ROR1: variants seen among roughly 807,000 people sequenced by gnomAD.
ROR1 encodes inactive tyrosine-protein kinase transmembrane receptor ROR1.
A neutral mutation model predicts 78.8 loss-of-function variants in ROR1; 19 were observed. The ratio of observed to expected loss-of-function variants is 0.24; its 90% CI spans 0.17 to 0.35. The LOEUF (loss-of-function observed/expected upper bound fraction) is 0.35, where lower values mean the gene tolerates loss of function less well. Among genes scored for constraint, ROR1 ranks in the 10% least tolerant of loss-of-function variants. The pLI is 1.00. For synonymous variants in ROR1, 386 were observed against 433.6 expected, an observed-to-expected ratio of 0.89 and a Z score of 1.36; for missense variants, 917 against 1,177.8, an observed-to-expected ratio of 0.78 and a Z score of 3.24.
intron 1 of ROR1, among the ~76,000 whole-genome samples, chr1:63,854,762 C>G (rs1645138115): frequency 6.6e-6 from 1 of 152,150 alleles, no homozygotes; most frequent in South Asian, 2.1e-4. Context: ...AGAAGAAAAA[C>G]TACAGTCGTC....
chr1:63,886,996 C>G (rs1254332955), intron 1 of ROR1, among the ~76,000 whole-genome samples: 1 of 152,196 alleles, frequency 6.6e-6, no homozygotes, highest in Non-Finnish European at 1.5e-5. Flanking sequence ...CTCTGTCCTC[C>G]TCCCAAAAGA....
intron 1 of ROR1, 149 bp from the exon 2 acceptor site, chr1:64,009,156 C>CCATT: frequency 1.6e-6 from 1 of 634,070 alleles, no homozygotes; most frequent in Non-Finnish European, 2.9e-6. Context: ...TCTAGAGCCA[C>CCATT]CATTCCAGTC....
At chr1:63,867,719 A>G (rs1181530304) in intron 1 of ROR1, among the ~76,000 whole-genome samples, 1 of 152,222 alleles carries the variant, frequency 6.6e-6, no homozygotes, top group Non-Finnish European at 1.5e-5. Flanking sequence ...TAAAAGTCAG[A>G]GCAAATTTAT....
chr1:63,883,596 T>A (rs776636355), intron 1 of ROR1, among the ~76,000 whole-genome samples: 2 of 152,092 alleles, frequency 1.3e-5, no homozygotes, highest in Non-Finnish European at 2.9e-5. Context: ...TATGACTGGG[T>A]GAAATGAGCT....
rs111669173 is a variant in ROR1 at position 63,796,792 on chromosome 1, G to A, written c.91+22284G>A. 1.8e-3 allele frequency among the ~76,000 whole-genome samples: 272 copies of A among 152,242 alleles called. 2 individuals carry two copies. The highest frequency in any genetic ancestry group is 5.8e-3 in the African/African-American group (241 of 41,536). ...AGAGGAGAGGAGGAGTTGCAGAGTCGAGGTGACTGAAGGTGGAAATGGCAA... is the reference window on the plus strand; with the variant it reads ...AGAGGAGAGGAGGAGTTGCAGAGTCAAGGTGACTGAAGGTGGAAATGGCAA... On this transcript the variant is annotated intron_variant, in intron 1 of 8. Coordinates refer to ENST00000371079, the MANE Select transcript of ROR1 (RefSeq NM_005012.4).
chr1:64,153,577 A>G (rs1649689492), intron 7 of ROR1, among the ~76,000 whole-genome samples: 1 of 152,226 alleles, frequency 6.6e-6, no homozygotes, highest in Admixed American at 6.5e-5. Context: ...CAGTCATAAA[A>G]AGAAGGAAAT....
At chr1:64,044,340 G>A (rs899522923) in intron 2 of ROR1, among the ~76,000 whole-genome samples, 3 of 152,196 alleles carry the variant, frequency 2.0e-5, no homozygotes, top group Non-Finnish European at 4.4e-5. Context: ...AGGCTGTTAA[G>A]TCCTCTGAAC....
chr1:64,123,791 A>G (rs1303845409), intron 4 of ROR1, among the ~76,000 whole-genome samples: 2 of 152,202 alleles, frequency 1.3e-5, no homozygotes, highest in Non-Finnish European at 1.5e-5. Flanking sequence ...TATAAGTCAT[A>G]ACAGTTTTCT....
chr1:63,979,050 T>C (rs1646186473), intron 1 of ROR1, among the ~76,000 whole-genome samples: 1 of 152,190 alleles, frequency 6.6e-6, no homozygotes, highest in African/African-American at 2.4e-5. Flanking sequence ...GGCCTTTAAC[T>C]GATTAGATGA....
At chr1:64,027,298 G>A (rs890124690) in intron 2 of ROR1, among the ~76,000 whole-genome samples, 1 of 152,188 alleles carries the variant, frequency 6.6e-6, no homozygotes, top group South Asian at 2.1e-4. Flanking sequence ...CTCATAAAAG[G>A]TGGGCTCCTG....
intron 1 of ROR1, among the ~76,000 whole-genome samples, chr1:63,898,364 A>C (rs1412371082): frequency 1.4e-5 from 2 of 140,808 alleles, no homozygotes; most frequent in African/African-American, 5.4e-5. Context: ...ATAGATGCTT[A>C]CATTTTTTTT....
At chr1:64,081,768 C>CA (rs55945635) in intron 4 of ROR1, among the ~76,000 whole-genome samples, 1,182 of 98,834 alleles carry the variant, frequency 0.012, 12 homozygotes, top group Middle Eastern at 0.02. Flanking sequence ...GAGACACTGT[C>CA]AAAAAAAAAA....
intron 1 of ROR1, among the ~76,000 whole-genome samples, chr1:63,935,791 A>G (rs1228434260): frequency 6.6e-6 from 1 of 152,250 alleles, no homozygotes; most frequent in African/African-American, 2.4e-5. Context: ...AACTTTGGTT[A>G]ACCCAGAGGT....
intron 1 of ROR1, among the ~76,000 whole-genome samples, chr1:63,989,531 G>C (rs1646278351): frequency 6.6e-6 from 1 of 152,118 alleles, no homozygotes; most frequent in African/African-American, 2.4e-5. Flanking sequence ...CCTGTAGCTT[G>C]TGTAACAGTT....
At chr1:64,005,382 A>G (rs948032315) in intron 1 of ROR1, among the ~76,000 whole-genome samples, 12 of 152,260 alleles carry the variant, frequency 7.9e-5, no homozygotes, top group Non-Finnish European at 1.5e-5. Flanking sequence ...TAAGTGTCAG[A>G]TAGTAGTGTT....
At chr1:63,830,752 G>A (rs1376117432) in intron 1 of ROR1, among the ~76,000 whole-genome samples, 3 of 152,158 alleles carry the variant, frequency 2.0e-5, no homozygotes, top group African/African-American at 7.2e-5. Context: ...GTCCCCCAAA[G>A]TCTTAACTCA....
intron 6 of ROR1, 48 bp downstream of exon 6, chr1:64,140,474 CT>C: frequency 6.4e-7 from 1 of 1,557,808 alleles, no homozygotes; most frequent in Non-Finnish European, 8.8e-7. Context: ...GGTCAGCAAC[CT>C]GTTGGCACAG....
At chr1:63,822,985 G>T (rs1298219232) in intron 1 of ROR1, among the ~76,000 whole-genome samples, 4 of 151,438 alleles carry the variant, frequency 2.6e-5, no homozygotes, top group South Asian at 2.1e-4. Context: ...AAATAAAGTG[G>T]TTTTTTTGTT....
chr1:63,923,633 A>G (rs556986098), intron 1 of ROR1, among the ~76,000 whole-genome samples: 6 of 151,608 alleles, frequency 4.0e-5, no homozygotes, highest in South Asian at 2.1e-4. Context: ...CTAGATTACT[A>G]TACTAGCTTC....
Sources: gnomAD v4.1 joint callset for allele counts (sites outside exome capture counted in the v4.1 genomes callset) on GRCh38, gnomAD v4.1.1 for gene constraint, MANE v1.5 for transcripts, NCBI Gene and HGNC (gene_info 2026-07-23, HGNC 2026-07-21) for gene names.